CNKSR2: variants seen among roughly 807,000 people sequenced by gnomAD.
CNKSR2 encodes connector enhancer of kinase suppressor of Ras 2.
In CNKSR2, 14 loss-of-function variants were observed where a neutral mutation model predicts 84.4. The ratio of observed to expected loss-of-function variants is 0.17; its 90% confidence interval spans 0.11 to 0.26. CNKSR2 has a LOEUF of 0.26. Among genes scored for constraint, CNKSR2 ranks in the 10% least tolerant of loss-of-function variants. The probability of loss-of-function intolerance (pLI) is 1.00; values close to 1 mark genes in which losing one functional copy is unlikely to be tolerated. For missense variants in CNKSR2, 485 were observed against 771.2 expected (o/e 0.63, Z 4.40); for synonymous variants, 275 against 277.9 (o/e 0.99, Z 0.10).
intron 4 of CNKSR2, among the ~76,000 whole-genome samples, chrX:21,456,029 C>T (rs2090991102): frequency 9.0e-6 from 1 of 111,432 alleles, no homozygotes; most frequent in Admixed American, 9.5e-5. Context: ...CTACTCATGT[C>T]TTTCTTTACA....
chrX:21,457,937 T>C (rs1160673595), intron 4 of CNKSR2, among the ~76,000 whole-genome samples: 3 of 112,232 alleles, frequency 2.7e-5, no homozygotes, highest in Non-Finnish European at 5.6e-5. Flanking sequence ...AGAGAATTGG[T>C]TTCATTGTAC....
At chrX:21,547,288 C>G (rs907768436) in intron 11 of CNKSR2, among the ~76,000 whole-genome samples, 8 of 111,292 alleles carry the variant, frequency 7.2e-5, no homozygotes, top group Non-Finnish European at 1.5e-4. Context: ...CAATCCTAGT[C>G]TCTGATAAAA....
intron 9 of CNKSR2, among the ~76,000 whole-genome samples, chrX:21,524,498 G>GAATTGAA (rs2091815683): frequency 9.0e-6 from 1 of 111,039 alleles, no homozygotes; most frequent in Non-Finnish European, 1.9e-5. Context: ...GAAGGAAATT[G>GAATTGAA]AGGGCTAATA....
intron 13 of CNKSR2, among the ~76,000 whole-genome samples, chrX:21,586,425 A>C (rs957921228): frequency 1.8e-5 from 2 of 111,659 alleles, no homozygotes; most frequent in African/African-American, 6.5e-5. Context: ...ACTGCAACCC[A>C]TTGCCACCAC....
chrX:21,514,474 C>G (rs1464037803), intron 8 of CNKSR2, among the ~76,000 whole-genome samples: 1 of 111,708 alleles, frequency 9.0e-6, no homozygotes, highest in African/African-American at 3.2e-5. Context: ...ATTCTACTTT[C>G]TGATAGAAAA....
intron 5 of CNKSR2, among the ~76,000 whole-genome samples, chrX:21,482,089 C>G (rs2091326515): frequency 9.0e-6 from 1 of 111,292 alleles, no homozygotes; most frequent in South Asian, 3.8e-4. Flanking sequence ...GCTATAGATA[C>G]CTAATACAGT....
At chrX:21,480,194 T>A (rs1476190620) in intron 5 of CNKSR2, among the ~76,000 whole-genome samples, 2 of 111,374 alleles carry the variant, frequency 1.8e-5, no homozygotes, top group African/African-American at 6.5e-5. Context: ...ACAAAACTCA[T>A]AACTGACACA....
intron 15 of CNKSR2, chrX:21,593,027 G>A (rs1373614402): frequency 1.8e-5 from 2 of 109,666 alleles, no homozygotes; most frequent in Admixed American, 2.0e-4. Flanking sequence ...TTAGCCTTGT[G>A]AGAGATGAGT....
chrX:21,392,469 T>C (rs1364344819), intron 1 of CNKSR2, among the ~76,000 whole-genome samples: 2 of 111,775 alleles, frequency 1.8e-5, no homozygotes, highest in Non-Finnish European at 3.8e-5. Flanking sequence ...GAAGCAGGCA[T>C]GCCTTACGTG....
chrX:21,634,031 T>C (rs2092659055), intron 20 of CNKSR2, among the ~76,000 whole-genome samples: 1 of 112,107 alleles, frequency 8.9e-6, no homozygotes, highest in South Asian at 3.7e-4. Flanking sequence ...ATGCTATATT[T>C]CTTACAAACA....
At position 21,563,243 on chromosome X, in the gene CNKSR2, T is replaced by C. The variant is rs1362492894; in HGVS notation, c.1399T>C (p.Ser467Pro). Residue 467 changes from serine to proline, a missense_variant, in exon 13 of 22, where the codon TCT becomes CCT. Physicochemically the swap from Ser to Pro is moderately conservative, Grantham distance 74. Coordinates refer to ENST00000379510, the MANE Select transcript of CNKSR2 (RefSeq NM_014927.5). ...ATTTATCTCTTTTTATATAGAAAAC[T>C]CTCTACTTCGGTATATGAGCAATGA... ...KMKRDSRRENSLLRYMSNEKI... is the reference protein window; with the variant it reads ...KMKRDSRRENPLLRYMSNEKI... 8.4e-7 allele frequency: 1 copy of C among 1,193,584 alleles called. No homozygotes were observed. The highest frequency in any genetic ancestry group is 1.1e-6 in the Non-Finnish European group (1 of 884,185).
At chrX:21,563,184 T>TA in intron 12 of CNKSR2, 54 bp from the exon 13 acceptor site, 2 of 947,446 alleles carry the variant, frequency 2.1e-6, no homozygotes, top group Non-Finnish European at 2.9e-6. Context: ...GAAAGAATGG[T>TA]AAATTTGGGG....
At chrX:21,603,642 C>T (rs191286947) in intron 18 of CNKSR2, among the ~76,000 whole-genome samples, 1 of 112,357 alleles carries the variant, frequency 8.9e-6, no homozygotes, top group East Asian at 2.8e-4. Context: ...CGTTGTTGTA[C>T]TTAGAGAAAA....
chrX:21,449,295 C>G (rs1483213262), intron 4 of CNKSR2, among the ~76,000 whole-genome samples: 1 of 82,460 alleles, frequency 1.2e-5, no homozygotes, highest in Non-Finnish European at 2.2e-5. Context: ...CAGAGTGAGA[C>G]TCCGTCTCAA....
At position 21,601,310 on chromosome X, in the gene CNKSR2, G is replaced by A. The variant is rs2092480305; in HGVS notation, c.2005G>A (p.Ala669Thr). The change falls in exon 18 of 22, where the codon GCA becomes ACA. Residue 669 changes from alanine (A) to threonine (T), a missense_variant. Transcript: ENST00000379510. Reference protein sequence around the residue: ...RWLNRINMLTAGYAERERIKQ... With the variant: ...RWLNRINMLTTGYAERERIKQ... ...GCTTAACAGAATTAATATGCTGACT[G>A]CAGGATATGCAGAAAGAGAGAGGAT... is the stretch of plus-strand genomic sequence containing the variant. 1 of 1,170,910 alleles carries A rather than the reference G, an allele frequency of 8.5e-7. No individual in the cohort carries two copies. Among genetic ancestry groups the A allele is most frequent in the East Asian group, 3.0e-5 (1 of 33,276 alleles).
At chrX:21,414,397 C>G (rs1361572790) in intron 1 of CNKSR2, among the ~76,000 whole-genome samples, 1 of 108,811 alleles carries the variant, frequency 9.2e-6, no homozygotes, top group Non-Finnish European at 1.9e-5. Context: ...AATCTTTTGC[C>G]CATTTTTAAC....
intron 11 of CNKSR2, among the ~76,000 whole-genome samples, chrX:21,551,993 G>T (rs2092097155): frequency 9.1e-6 from 1 of 109,522 alleles, no homozygotes; most frequent in Non-Finnish European, 1.9e-5. Context: ...TAGCGTCAGG[G>T]ATTACCTAGC....
intron 13 of CNKSR2, among the ~76,000 whole-genome samples, chrX:21,566,382 C>G (rs1207178152): frequency 8.9e-6 from 1 of 111,752 alleles, no homozygotes; most frequent in Non-Finnish European, 1.9e-5. Context: ...TTATTTTTAC[C>G]TGTTTATACA....
chrX:21,629,448 C>A (rs1486346194), intron 20 of CNKSR2, among the ~76,000 whole-genome samples: 4 of 111,975 alleles, frequency 3.6e-5, no homozygotes, highest in African/African-American at 9.7e-5. Context: ...CAAGACTGGG[C>A]AATTTACAAA....
Sources: allele counts gnomAD v4.1 joint callset (sites outside exome capture counted in the v4.1 genomes callset), GRCh38; gene constraint gnomAD v4.1.1; transcripts MANE v1.5; gene names NCBI Gene and HGNC (gene_info 2026-07-23, HGNC 2026-07-21).